AASDH: variants seen among roughly 807,000 people sequenced by gnomAD.
AASDH encodes the protein aminoadipate-semialdehyde dehydrogenase, also known as beta-alanine-activating enzyme.
Under a neutral mutation model 102.3 loss-of-function variants are expected in AASDH, and 81 were observed. The ratio of observed to expected loss-of-function variants is 0.79; its 90% CI spans 0.66 to 0.95. The LOEUF (loss-of-function observed/expected upper bound fraction) is 0.95, where lower values mean the gene tolerates loss of function less well. Ranked by LOEUF, AASDH falls within the 40% of genes least tolerant of loss-of-function variation. The pLI is 0.00. For missense variants in AASDH, 1,203 were observed against 1,266.2 expected (o/e 0.95, Z 0.76); for synonymous variants, 398 against 454.0 (o/e 0.88, Z 1.57).
At position 56,349,661 on chromosome 4, in the gene AASDH, G is replaced by C; in HGVS notation, c.2090C>G (p.Thr697Arg). The change falls in exon 11 of 15, where the codon ACA (threonine) becomes AGA (arginine). Residue 697 changes from threonine (T) to arginine (R), a missense_variant. By Grantham distance (71) the Thr-to-Arg change is moderately conservative. Coordinates refer to ENST00000205214, the MANE Select transcript of AASDH (RefSeq NM_181806.4). ...ILSLNSTRFLTKLGHCSSACP... is the reference protein window; with the variant it reads ...ILSLNSTRFLRKLGHCSSACP... ...GGCTGAAGAGCAATGTCCTAACTTT[G>C]TTAAAAACCTAGTGGAATTCAGAGA... The C allele has an allele frequency of 6.2e-7, 1 of 1,614,158 alleles. No homozygotes were observed. Among genetic ancestry groups the C allele is most frequent in the Non-Finnish European group, 8.5e-7 (1 of 1,180,022 alleles).
intron 4 of AASDH, among the ~76,000 whole-genome samples, chr4:56,373,833 A>AT (rs370121505): frequency 0.69 from 104,386 of 151,942 alleles, 35,970 homozygotes; most frequent in South Asian, 0.76. Flanking sequence ...CAGTTCATGT[A>AT]GTTCCATGTA....
intron 3 of AASDH, among the ~76,000 whole-genome samples, chr4:56,380,353 A>G (rs1752818881): frequency 6.6e-6 from 1 of 152,196 alleles, no homozygotes; most frequent in Non-Finnish European, 1.5e-5. Context: ...ACAACAGCTT[A>G]ATGAAATATA....
In AASDH at chr4:56,350,253, G is replaced by A. The variant is rs1053973538; in HGVS notation, c.1693-195C>T. Among the ~76,000 whole-genome samples the A allele has an allele frequency of 7.2e-5, 11 of 152,118 alleles. 1 individual carries two copies. The highest frequency in any genetic ancestry group is 2.0e-4 in the Admixed American group (3 of 15,278). On this transcript the variant is annotated intron_variant, in intron 10 of 14. Coordinates refer to ENST00000205214, the MANE Select transcript of AASDH (RefSeq NM_181806.4). The stretch of plus-strand genomic sequence containing the variant: ...GCAGATCACATGAGGTCAGGAGTTC[G>A]AGACCATCCTGGCCAACACAGTGAA...
intron 4 of AASDH, among the ~76,000 whole-genome samples, chr4:56,376,311 C>T (rs1431501036): frequency 1.3e-5 from 2 of 152,214 alleles, no homozygotes; most frequent in Non-Finnish European, 2.9e-5. Context: ...AGGCATGAGC[C>T]ACTGCACCCA....
chr4:56,382,727 G>A, intron 2 of AASDH, 130 bp from the exon 3 acceptor site: 3 of 1,035,176 alleles, frequency 2.9e-6, no homozygotes, highest in Non-Finnish European at 4.1e-6. Context: ...GCACTTTATT[G>A]CTGATCAGAA....
intron 4 of AASDH, among the ~76,000 whole-genome samples, chr4:56,372,026 G>A (rs899355608): frequency 1.3e-5 from 2 of 152,140 alleles, no homozygotes; most frequent in African/African-American, 4.8e-5. Flanking sequence ...CAGCACACAC[G>A]CCTTCTTCAA....
intron 11 of AASDH, among the ~76,000 whole-genome samples, chr4:56,347,675 G>T (rs560085772): frequency 2.0e-4 from 30 of 152,276 alleles, no homozygotes; most frequent in African/African-American, 7.0e-4. Context: ...GCTGAGGTGG[G>T]CAGATCGCTT....
intron 2 of AASDH, among the ~76,000 whole-genome samples, chr4:56,382,798 G>C (rs925092255): frequency 6.6e-6 from 1 of 152,170 alleles, no homozygotes; most frequent in Non-Finnish European, 1.5e-5. Flanking sequence ...AGCCGGGCAC[G>C]GTGGCTCACG....
chr4:56,376,347 A>G (rs1229358106), intron 4 of AASDH, among the ~76,000 whole-genome samples: 1 of 152,134 alleles, frequency 6.6e-6, no homozygotes, highest in African/African-American at 2.4e-5. Context: ...CTTAAAGACA[A>G]AACACCTGTG....
At chr4:56,358,563 G>T (rs1749899544) in intron 5 of AASDH, among the ~76,000 whole-genome samples, 1 of 150,958 alleles carries the variant, frequency 6.6e-6, no homozygotes, top group South Asian at 2.1e-4. Context: ...ATCATAAATG[G>T]GTGTTAGATT....
chr4:56,348,417 G>T (rs1278383157), intron 11 of AASDH, among the ~76,000 whole-genome samples: 3 of 152,050 alleles, frequency 2.0e-5, no homozygotes, highest in Non-Finnish European at 4.4e-5. Flanking sequence ...ACCATGCCTA[G>T]CTAATGTTTG....
At chr4:56,375,450 C>G (rs1440294963) in intron 4 of AASDH, among the ~76,000 whole-genome samples, 5 of 152,142 alleles carry the variant, frequency 3.3e-5, no homozygotes, top group Admixed American at 2.6e-4. Flanking sequence ...TAATTATTTA[C>G]CACCTCACTT....
At chr4:56,356,926 G>A in intron 5 of AASDH, 1 of 835,450 alleles carries the variant, frequency 1.2e-6, no homozygotes, top group Non-Finnish European at 2.0e-6. Flanking sequence ...CACTAAACTG[G>A]GTTAAATGTA....
At chr4:56,385,196 C>CA in intron 1 of AASDH, among the ~76,000 whole-genome samples, 1 of 151,948 alleles carries the variant, frequency 6.6e-6, no homozygotes, top group African/African-American at 2.4e-5. Context: ...CAGAAGAAAG[C>CA]AAAAAACCCT....
intron 5 of AASDH, among the ~76,000 whole-genome samples, chr4:56,358,699 C>G (rs938159865): frequency 1.3e-5 from 2 of 151,820 alleles, no homozygotes; most frequent in African/African-American, 4.8e-5. Flanking sequence ...GGGATAAATC[C>G]CACATGGTCA....
At chr4:56,356,083 A>G in intron 5 of AASDH, 1 of 599,628 alleles carries the variant, frequency 1.7e-6, no homozygotes, top group South Asian at 2.1e-5. Flanking sequence ...TAAAAAGTAT[A>G]CAAAAGGGTT....
intron 5 of AASDH, among the ~76,000 whole-genome samples, chr4:56,361,992 G>T (rs1750354613): frequency 6.6e-6 from 1 of 151,986 alleles, no homozygotes; most frequent in African/African-American, 2.4e-5. Context: ...AGTTTTAAAG[G>T]GCATCAAGTT....
intron 9 of AASDH, 64 bp from the exon 10 acceptor site, chr4:56,351,521 T>A: frequency 1.2e-6 from 1 of 864,580 alleles, no homozygotes; most frequent in Non-Finnish European, 1.8e-6. Flanking sequence ...AAAGCCTTTA[T>A]ATATTCATTA....
At chr4:56,378,489 T>C in intron 3 of AASDH, 25 bp from the exon 4 acceptor site, 1 of 1,524,598 alleles carries the variant, frequency 6.6e-7, no homozygotes, top group South Asian at 1.2e-5. Flanking sequence ...GGACAAAGTT[T>C]ACAGTATTAG....
Sources: gnomAD v4.1 joint callset for allele counts (sites outside exome capture counted in the v4.1 genomes callset) on GRCh38, gnomAD v4.1.1 for gene constraint, MANE v1.5 for transcripts, NCBI Gene and HGNC (gene_info 2026-07-23, HGNC 2026-07-21) for gene names.